SRGAP2C: variants seen among roughly 807,000 people sequenced by gnomAD.
The protein encoded by SRGAP2C is SLIT-ROBO Rho GTPase-activating protein 2C.
In SRGAP2C, 15 loss-of-function variants were observed where a neutral mutation model predicts 25.1. The ratio of observed to expected loss-of-function variants is 0.60; its 90% CI spans 0.40 to 0.92. The LOEUF (loss-of-function observed/expected upper bound fraction) is 0.92. Ranked by LOEUF, SRGAP2C falls within the 40% of genes least tolerant of loss-of-function variation. SRGAP2C has a pLI of 0.00. For synonymous variants in SRGAP2C, 44 were observed against 96.6 expected (o/e 0.46, Z 3.19); for missense variants, 144 against 264.4 (o/e 0.54, Z 3.16).
In SRGAP2C at chr1:121,391,905, C is replaced by G. The variant is rs1660103319; in HGVS notation, c.*4050C>G. The G allele has an allele frequency of 6.6e-6, 1 of 152,340 alleles. No homozygotes were observed. The highest frequency in any genetic ancestry group is 1.5e-5 in the Non-Finnish European group (1 of 68,078). 9.4% of individuals were successfully genotyped at this position (152,340 alleles called of 1,614,324 possible). A position where few individuals can be genotyped will look rare whatever the true frequency, so the allele number is the denominator to read the frequency against. The stretch of plus-strand genomic sequence containing the variant: ...AGACATCAAACTTACCAGACAAAGA[C>G]TTTAAAACAACTCTCTTCATTATAC... On this transcript the variant is annotated 3_prime_UTR_variant, in exon 10 of 10. Transcript: ENST00000367123.
intron 2 of SRGAP2C, among the ~76,000 whole-genome samples, chr1:121,267,315 T>A (rs1656821071): frequency 1.3e-5 from 2 of 150,368 alleles, no homozygotes; most frequent in Non-Finnish European, 2.9e-5. Context: ...TGGCTTGGCT[T>A]CCTGAATAGC....
At chr1:121,263,447 A>C (rs2101535215) in intron 2 of SRGAP2C, among the ~76,000 whole-genome samples, 1 of 151,062 alleles carries the variant, frequency 6.6e-6, no homozygotes, top group Non-Finnish European at 1.5e-5. Context: ...AAAAAAAAAA[A>C]AAACTTCAGT....
chr1:121,198,841 T>C (rs1396217803), intron 2 of SRGAP2C, among the ~76,000 whole-genome samples: 19 of 150,316 alleles, frequency 1.3e-4, no homozygotes, highest in Non-Finnish European at 2.5e-4. Context: ...AGCTACAGGA[T>C]TCTACACAGG....
At chr1:121,383,366 T>C (rs1455945733) in intron 8 of SRGAP2C, among the ~76,000 whole-genome samples, 10 of 151,798 alleles carry the variant, frequency 6.6e-5, no homozygotes, top group African/African-American at 2.4e-4. Context: ...GGCCACATCC[T>C]AGAGGCTTTA....
intron 8 of SRGAP2C, among the ~76,000 whole-genome samples, chr1:121,385,147 G>C (rs1659931591): frequency 6.8e-6 from 1 of 147,500 alleles, no homozygotes; most frequent in Non-Finnish European, 1.5e-5. Context: ...GGAAGTCGTT[G>C]AACTAGGGCC....
intron 3 of SRGAP2C, among the ~76,000 whole-genome samples, chr1:121,311,112 G>A (rs1367967265): frequency 5.5e-5 from 1 of 18,188 alleles, no homozygotes; most frequent in African/African-American, 2.2e-4. Context: ...GCAATGGTTT[G>A]TAGTTCTCCT....
chr1:121,233,209 C>T (rs1307562460), intron 2 of SRGAP2C, among the ~76,000 whole-genome samples: 5 of 103,272 alleles, frequency 4.8e-5, no homozygotes, highest in African/African-American at 7.3e-5. Context: ...TGCAGTGGTG[C>T]GATCTTGGCT....
chr1:121,295,580 A>G (rs1281641535), intron 3 of SRGAP2C, among the ~76,000 whole-genome samples: 1 of 152,126 alleles, frequency 6.6e-6, no homozygotes, highest in Non-Finnish European at 1.5e-5. Context: ...CACCTGGTGC[A>G]GGAAGAATCT....
chr1:121,368,001 G>A (rs1553349949), intron 5 of SRGAP2C, among the ~76,000 whole-genome samples: 9 of 110,674 alleles, frequency 8.1e-5, no homozygotes, highest in East Asian at 6.2e-4. Flanking sequence ...GCGTGAACCT[G>A]GGAGGCAGAG....
intron 2 of SRGAP2C, among the ~76,000 whole-genome samples, chr1:121,191,569 C>T (rs1375176165): frequency 6.8e-6 from 1 of 147,390 alleles, no homozygotes; most frequent in Admixed American, 6.8e-5. Flanking sequence ...TAAACTGAAG[C>T]CTTTGGCCTC....
intron 4 of SRGAP2C, among the ~76,000 whole-genome samples, chr1:121,343,314 A>T (rs1553343133): frequency 2.0e-5 from 3 of 152,114 alleles, no homozygotes; most frequent in Non-Finnish European, 4.4e-5. Context: ...CATCCTTCCA[A>T]TCCCCTTCAT....
At chr1:121,239,830 A>G (rs587711970) in intron 2 of SRGAP2C, among the ~76,000 whole-genome samples, 4 of 152,410 alleles carry the variant, frequency 2.6e-5, no homozygotes, top group Admixed American at 1.3e-4. Flanking sequence ...AGCCTAAAAT[A>G]TTTACTATCT....
At chr1:121,304,920 A>T (rs1657793236) in intron 3 of SRGAP2C, among the ~76,000 whole-genome samples, 2 of 151,888 alleles carry the variant, frequency 1.3e-5, no homozygotes, top group African/African-American at 4.8e-5. Flanking sequence ...TCACTGCCAA[A>T]CCTTTTCTCT....
At chr1:121,286,789 C>T (rs1339856584) in intron 3 of SRGAP2C, among the ~76,000 whole-genome samples, 4 of 150,326 alleles carry the variant, frequency 2.7e-5, no homozygotes, top group Admixed American at 2.0e-4. Context: ...AAACAGGTTT[C>T]CAACCTTATT....
chr1:121,359,647 C>T (rs1186963134), intron 4 of SRGAP2C, among the ~76,000 whole-genome samples: 11 of 152,164 alleles, frequency 7.2e-5, no homozygotes, highest in East Asian at 1.9e-4. Context: ...ACACATCTGT[C>T]GTCCCAGCTA....
rs1360983786 is a variant in SRGAP2C, at chr1:121,370,814, C to T, written c.487-3157C>T. Among the ~76,000 whole-genome samples the T allele has an allele frequency of 3.4e-3, 501 of 149,424 alleles. 1 individual carries two copies. The highest frequency in any genetic ancestry group is 5.3e-3 in the Admixed American group (79 of 14,926). ...CATCCCACTGCTACTTATTTCTCTTCGGGCTTCTGTGATATAAATCTGGCT... is the reference window on the plus strand; with the variant it reads ...CATCCCACTGCTACTTATTTCTCTTTGGGCTTCTGTGATATAAATCTGGCT... On this transcript the variant is annotated intron_variant, in intron 5 of 9. Coordinates refer to ENST00000367123, the MANE Select transcript of SRGAP2C (RefSeq NM_001329984.2).
chr1:121,305,901 G>T (rs1274929191), intron 3 of SRGAP2C, among the ~76,000 whole-genome samples: 2 of 150,880 alleles, frequency 1.3e-5, no homozygotes, highest in African/African-American at 4.9e-5. Context: ...CTTAGCAAAG[G>T]CTGGTTTTTA....
chr1:121,226,042 G>C (rs1462983418), intron 2 of SRGAP2C, among the ~76,000 whole-genome samples: 9 of 151,988 alleles, frequency 5.9e-5, no homozygotes, highest in Non-Finnish European at 1.5e-5. Context: ...ACATGAGATG[G>C]TATTTCTTCA....
intron 2 of SRGAP2C, among the ~76,000 whole-genome samples, chr1:121,278,937 G>T (rs1158360558): frequency 2.0e-5 from 3 of 151,814 alleles, no homozygotes; most frequent in African/African-American, 7.2e-5. Flanking sequence ...AGCCTCAATT[G>T]TATTCTTATG....
Sources: allele counts gnomAD v4.1 joint callset (sites outside exome capture counted in the v4.1 genomes callset), GRCh38; gene constraint gnomAD v4.1.1; transcripts MANE v1.5; gene names NCBI Gene and HGNC (gene_info 2026-07-23, HGNC 2026-07-21).